Variants in IL1RAPL1 observed in about 807,000 individuals in gnomAD.
The protein encoded by IL1RAPL1 is interleukin 1 receptor accessory protein like 1.
IL1RAPL1 carries 3 observed loss-of-function variants against 48.4 expected under a neutral mutation model. That is an observed-to-expected ratio of 0.06 (90% CI 0.03 to 0.16). IL1RAPL1 has a LOEUF of 0.16. Ranked by LOEUF, IL1RAPL1 falls within the 10% of genes least tolerant of loss-of-function variation. IL1RAPL1 has a pLI of 1.00. For synonymous variants in IL1RAPL1, 185 were observed against 187.7 expected, an observed-to-expected ratio of 0.99 and a Z score of 0.12; for missense variants, 349 against 530.6, an observed-to-expected ratio of 0.66 and a Z score of 3.36.
intron 2 of IL1RAPL1, among the ~76,000 whole-genome samples, chrX:29,188,123 A>T (rs1930286774): frequency 8.9e-6 from 1 of 112,007 alleles, no homozygotes; most frequent in Admixed American, 9.5e-5. Context: ...CAATACTTAC[A>T]GCCTCAACCA....
intron 2 of IL1RAPL1, among the ~76,000 whole-genome samples, chrX:29,046,442 C>G (rs760794017): frequency 8.1e-5 from 9 of 111,456 alleles, no homozygotes; most frequent in Non-Finnish European, 1.5e-4. Flanking sequence ...TTATTAAGCA[C>G]TCATTGTATG....
intron 1 of IL1RAPL1, among the ~76,000 whole-genome samples, chrX:28,658,060 C>A (rs1339180018): frequency 8.9e-6 from 1 of 111,824 alleles, no homozygotes; most frequent in Non-Finnish European, 1.9e-5. Flanking sequence ...TTTTGCAAGA[C>A]TCTCTGGGTT....
At chrX:28,998,415 C>T (rs777248056) in intron 2 of IL1RAPL1, among the ~76,000 whole-genome samples, 105 of 111,925 alleles carry the variant, frequency 9.4e-4, no homozygotes, top group Middle Eastern at 9.2e-3. Flanking sequence ...TCACAAATCT[C>T]TCTCAACATA....
chrX:29,205,254 AG>A (rs1356770596), intron 2 of IL1RAPL1, among the ~76,000 whole-genome samples: 1 of 112,046 alleles, frequency 8.9e-6, no homozygotes, highest in African/African-American at 3.2e-5. Context: ...ATTGCCTGCA[AG>A]TAATGGCTTA....
intron 6 of IL1RAPL1, among the ~76,000 whole-genome samples, chrX:29,695,916 T>C (rs957210568): frequency 6.3e-5 from 7 of 111,616 alleles, no homozygotes; most frequent in Non-Finnish European, 1.3e-4. Flanking sequence ...TACATTTTAA[T>C]GGAAAACTTC....
chrX:29,164,431 G>A (rs894574412), intron 2 of IL1RAPL1, among the ~76,000 whole-genome samples: 1 of 111,857 alleles, frequency 8.9e-6, no homozygotes, highest in African/African-American at 3.2e-5. Context: ...GAATTAATAA[G>A]TAGGCAAGTG....
intron 5 of IL1RAPL1, among the ~76,000 whole-genome samples, chrX:29,416,472 G>A (rs1934218259): frequency 9.0e-6 from 1 of 111,120 alleles, no homozygotes; most frequent in Non-Finnish European, 1.9e-5. Flanking sequence ...GGGGGGCAGA[G>A]GTTGCAGTGA....
chrX:29,883,153 A>T (rs764605416), intron 6 of IL1RAPL1, among the ~76,000 whole-genome samples: 1 of 111,577 alleles, frequency 9.0e-6, no homozygotes, highest in East Asian at 2.8e-4. Flanking sequence ...TAGAAGCCTA[A>T]TGTGCTGTTC....
At chrX:28,702,825 T>G (rs1020049613) in intron 1 of IL1RAPL1, among the ~76,000 whole-genome samples, 1 of 87,458 alleles carries the variant, frequency 1.1e-5, no homozygotes, top group African/African-American at 4.6e-5. Context: ...GTTTCCACTG[T>G]TTTACTTCCA....
chrX:29,003,640 T>C (rs1160556296), intron 2 of IL1RAPL1, among the ~76,000 whole-genome samples: 6 of 112,102 alleles, frequency 5.4e-5, no homozygotes, highest in Non-Finnish European at 1.1e-4. Flanking sequence ...ATTGGAACTA[T>C]GGCAATTTGA....
intron 1 of IL1RAPL1, among the ~76,000 whole-genome samples, chrX:28,744,875 A>G (rs761014594): frequency 3.6e-5 from 4 of 111,625 alleles, no homozygotes; most frequent in South Asian, 7.6e-4. Context: ...GAGACCTTAT[A>G]TTAGGAAAAT....
chrX:29,471,617 C>T (rs1049547603), intron 5 of IL1RAPL1, among the ~76,000 whole-genome samples: 7 of 111,475 alleles, frequency 6.3e-5, no homozygotes, highest in Admixed American at 1.9e-4. Flanking sequence ...ATTGTGATTC[C>T]GTTCCCAAGC....
intron 1 of IL1RAPL1, among the ~76,000 whole-genome samples, chrX:28,616,123 G>C (rs958741704): frequency 2.4e-4 from 27 of 112,324 alleles, no homozygotes; most frequent in Admixed American, 6.6e-4. Context: ...GTTCAAAATG[G>C]TTGATTAGCA....
At chrX:29,073,351 G>C (rs1927605543) in intron 2 of IL1RAPL1, among the ~76,000 whole-genome samples, 1 of 111,063 alleles carries the variant, frequency 9.0e-6, no homozygotes, top group African/African-American at 3.3e-5. Flanking sequence ...TTTTTAACTT[G>C]CTTCTTGCCT....
At position 29,937,142 on chromosome X, in the gene IL1RAPL1, A is replaced by G. The variant is rs756890055; in HGVS notation, c.1058-4509A>G. On this transcript the variant is annotated intron_variant, in intron 8 of 10. Coordinates refer to ENST00000378993, the MANE Select transcript of IL1RAPL1 (RefSeq NM_014271.4). ...CTAGCAATTTTGCTTTACAATTTTC[A>G]ATATTCAGTCTCAGTCCCTTAAAGG... 2.1e-4 allele frequency among the ~76,000 whole-genome samples: 24 copies of G among 112,171 alleles called. 1 individual carries two copies. Among genetic ancestry groups the G allele is most frequent in the Non-Finnish European group, 1.7e-4 (9 of 53,186 alleles).
intron 5 of IL1RAPL1, among the ~76,000 whole-genome samples, chrX:29,414,251 A>G (rs1277652629): frequency 9.0e-6 from 1 of 111,199 alleles, no homozygotes; most frequent in Non-Finnish European, 1.9e-5. Flanking sequence ...TGATAAAAAA[A>G]AGTTCAAGAG....
chrX:28,630,186 TTTTG>T (rs1486753508), intron 1 of IL1RAPL1, among the ~76,000 whole-genome samples: 1 of 111,698 alleles, frequency 9.0e-6, no homozygotes, highest in African/African-American at 3.3e-5. Flanking sequence ...TCGACTTTTT[TTTTG>T]TTTGTTTCAT....
chrX:29,773,710 C>A (rs755282577), intron 6 of IL1RAPL1, among the ~76,000 whole-genome samples: 1 of 111,150 alleles, frequency 9.0e-6, no homozygotes, highest in Non-Finnish European at 1.9e-5. Flanking sequence ...CTAATGGTGA[C>A]GTAGACATCT....
intron 2 of IL1RAPL1, among the ~76,000 whole-genome samples, chrX:29,252,124 G>A (rs1185900026): frequency 9.1e-6 from 1 of 110,294 alleles, no homozygotes; most frequent in Admixed American, 9.3e-5. Context: ...GTGGGGTAAG[G>A]GGAGGGGGGA....
Sources: allele counts gnomAD v4.1 joint callset (sites outside exome capture counted in the v4.1 genomes callset), GRCh38; gene constraint gnomAD v4.1.1; transcripts MANE v1.5; gene names NCBI Gene and HGNC (gene_info 2026-07-23, HGNC 2026-07-21).